CDYL: variants seen among roughly 807,000 people sequenced by gnomAD.
CDYL encodes the protein chromodomain Y like.
Under a neutral mutation model 47.3 loss-of-function variants are expected in CDYL, and 8 were observed. The observed-to-expected ratio is 0.17, with a 90% CI of 0.10 to 0.31. The LOEUF is 0.31. Among genes scored for constraint, CDYL ranks in the 10% least tolerant of loss-of-function variants. CDYL has a pLI of 1.00. For synonymous variants in CDYL, 266 were observed against 265.0 expected (o/e 1.00, Z -0.04); for missense variants, 471 against 701.4 (o/e 0.67, Z 3.71).
At chr6:4,758,492 T>A (rs1432813045) in intron 3 of CDYL, among the ~76,000 whole-genome samples, 2 of 151,684 alleles carry the variant, frequency 1.3e-5, no homozygotes, top group Non-Finnish European at 2.9e-5. Context: ...AAAACCCATC[T>A]CTACTAAAAA....
At chr6:4,876,927 G>T (rs1293241841) in intron 1 of CDYL, among the ~76,000 whole-genome samples, 1 of 152,190 alleles carries the variant, frequency 6.6e-6, no homozygotes, top group Non-Finnish European at 1.5e-5. Context: ...CTGGGAGGAG[G>T]TTAGGCCATG....
chr6:4,880,459 A>T (rs774785232), intron 1 of CDYL, among the ~76,000 whole-genome samples: 1 of 152,176 alleles, frequency 6.6e-6, no homozygotes, highest in South Asian at 2.1e-4. Context: ...TGATGGCTTC[A>T]CAAGTTTTGG....
intron 1 of CDYL, among the ~76,000 whole-genome samples, chr6:4,831,118 C>A (rs1459040308): frequency 6.6e-6 from 1 of 152,134 alleles, no homozygotes; most frequent in Non-Finnish European, 1.5e-5. Context: ...GGTATATCCC[C>A]AGTAATGGGA....
At chr6:4,737,621 C>CA (rs1191132461) in intron 3 of CDYL, among the ~76,000 whole-genome samples, 1,224 of 112,066 alleles carry the variant, frequency 0.011, 11 homozygotes, top group South Asian at 0.026. Context: ...AACTCCGTCT[C>CA]AAAAAAAAAA....
intron 5 of CDYL, among the ~76,000 whole-genome samples, chr6:4,948,864 TC>T (rs1188467184): frequency 6.6e-6 from 1 of 152,258 alleles, no homozygotes; most frequent in Non-Finnish European, 1.5e-5. Flanking sequence ...TCAGATGACT[TC>T]GACAACTCTT....
chr6:4,788,871 T>C (rs1231834585), intron 1 of CDYL, among the ~76,000 whole-genome samples: 2 of 152,018 alleles, frequency 1.3e-5, no homozygotes, highest in African/African-American at 2.4e-5. Context: ...TCTGCTGTTC[T>C]GGGATGAAGG....
chr6:4,889,618 GT>G (rs200641831), intron 1 of CDYL, among the ~76,000 whole-genome samples: 5 of 152,026 alleles, frequency 3.3e-5, no homozygotes, highest in African/African-American at 7.2e-5. Context: ...TAGATAGAGG[GT>G]TTTTTTGTTT....
intron 2 of CDYL, among the ~76,000 whole-genome samples, chr6:4,894,780 C>T (rs1309305858): frequency 6.6e-6 from 1 of 151,772 alleles, no homozygotes; most frequent in Admixed American, 6.6e-5. Context: ...GATACCTGAT[C>T]TCTGCTCTTA....
chr6:4,712,419 G>C, intron 1 of CDYL, among the ~76,000 whole-genome samples: 1 of 152,234 alleles, frequency 6.6e-6, no homozygotes, highest in Non-Finnish European at 1.5e-5. Flanking sequence ...ACAGTGGCCA[G>C]CGGAGTGAGA....
At chr6:4,886,568 G>T (rs1316091439) in intron 1 of CDYL, among the ~76,000 whole-genome samples, 1 of 151,854 alleles carries the variant, frequency 6.6e-6, no homozygotes, top group East Asian at 1.9e-4. Context: ...GTTAAACTGG[G>T]TTGTCTTTTT....
chr6:4,722,692 C>T (rs1057206744), intron 2 of CDYL, among the ~76,000 whole-genome samples: 2 of 152,094 alleles, frequency 1.3e-5, no homozygotes, highest in African/African-American at 2.4e-5. Flanking sequence ...GCCTGACCAA[C>T]GTGGTGAAAC....
chr6:4,840,875 T>C (rs1452084176), intron 1 of CDYL, among the ~76,000 whole-genome samples: 1 of 152,124 alleles, frequency 6.6e-6, no homozygotes, highest in Non-Finnish European at 1.5e-5. Flanking sequence ...TTTTTTGTTT[T>C]GTTTTTTTGT....
At chr6:4,761,544 A>T (rs1406115592) in intron 3 of CDYL, among the ~76,000 whole-genome samples, 1 of 151,564 alleles carries the variant, frequency 6.6e-6, no homozygotes, top group Non-Finnish European at 1.5e-5. Flanking sequence ...GGGTTTCACC[A>T]TGTTGGCCAG....
At chr6:4,747,306 C>A (rs79155452) in intron 3 of CDYL, among the ~76,000 whole-genome samples, 280 of 132,874 alleles carry the variant, frequency 2.1e-3, no homozygotes, top group Admixed American at 3.6e-3. Flanking sequence ...GACTTCATCT[C>A]AAAAAAAAAA....
intron 1 of CDYL, among the ~76,000 whole-genome samples, chr6:4,863,376 A>G (rs987485743): frequency 1.3e-5 from 2 of 152,212 alleles, no homozygotes; most frequent in Non-Finnish European, 2.9e-5. Context: ...TTTTAAAAAG[A>G]CTACCTCTTC....
At chr6:4,906,406 T>A (rs1757238468) in intron 2 of CDYL, among the ~76,000 whole-genome samples, 1 of 152,148 alleles carries the variant, frequency 6.6e-6, no homozygotes, top group African/African-American at 2.4e-5. Flanking sequence ...GATCACACTG[T>A]TTAATTGCTG....
chr6:4,893,213 G>A (rs1427536753), intron 2 of CDYL, among the ~76,000 whole-genome samples: 1 of 152,136 alleles, frequency 6.6e-6, no homozygotes, highest in African/African-American at 2.4e-5. Context: ...GTGTCCACTG[G>A]TGCCCCCACC....
chr6:4,904,639 T>C (rs1341983062), intron 2 of CDYL, among the ~76,000 whole-genome samples: 3 of 152,354 alleles, frequency 2.0e-5, no homozygotes, highest in Non-Finnish European at 4.4e-5. Context: ...AAAGAACTTT[T>C]TTTAATGGGA....
chr6:4,743,904 A>G (rs1757840964), intron 3 of CDYL, among the ~76,000 whole-genome samples: 1 of 152,268 alleles, frequency 6.6e-6, no homozygotes, highest in Admixed American at 6.5e-5. Context: ...ACCTGAGAGT[A>G]TATGACTTAG....
Sources: allele counts gnomAD v4.1 joint callset (sites outside exome capture counted in the v4.1 genomes callset), GRCh38; gene constraint gnomAD v4.1.1; transcripts MANE v1.5; gene names NCBI Gene and HGNC (gene_info 2026-07-23, HGNC 2026-07-21).